HIRA: variants seen among roughly 807,000 people sequenced by gnomAD.
HIRA encodes the protein protein HIRA.
HIRA carries 13 observed loss-of-function variants against 126.6 expected under a neutral mutation model. The observed-to-expected ratio is 0.10, with a 90% CI of 0.07 to 0.16. HIRA has a LOEUF of 0.16. Ranked by LOEUF, HIRA falls within the 10% of genes least tolerant of loss-of-function variation. The pLI is 1.00. For synonymous variants in HIRA, 511 were observed against 520.0 expected, an observed-to-expected ratio of 0.98 and a Z score of 0.24; for missense variants, 834 against 1,314.4, an observed-to-expected ratio of 0.63 and a Z score of 5.65.
At chr22:19,381,051 G>A (rs1003349808) in intron 13 of HIRA, among the ~76,000 whole-genome samples, 5 of 152,222 alleles carry the variant, frequency 3.3e-5, no homozygotes, top group African/African-American at 1.2e-4. Context: ...CTAATCAATG[G>A]TATGAATTTC....
intron 11 of HIRA, among the ~76,000 whole-genome samples, chr22:19,386,334 C>T (rs868079358): frequency 2.0e-5 from 3 of 152,182 alleles, no homozygotes; most frequent in African/African-American, 7.2e-5. Flanking sequence ...ACAAGCTAGA[C>T]AGGAGCCTCA....
At chr22:19,420,462 CAA>C (rs760003741) in intron 1 of HIRA, among the ~76,000 whole-genome samples, 3 of 63,586 alleles carry the variant, frequency 4.7e-5, no homozygotes, top group Non-Finnish European at 9.7e-5. Flanking sequence ...AAAACTGTCT[CAA>C]AAAAAAAAAA....
chr22:19,394,531 G>C (rs1192111555), intron 7 of HIRA, 22 bp from the exon 8 acceptor site: 1 of 1,609,976 alleles, frequency 6.2e-7, no homozygotes, highest in Non-Finnish European at 8.5e-7. Context: ...ATCTGCACTT[G>C]AAAGGAGCTC....
chr22:19,408,823 T>C (rs1025744172), intron 2 of HIRA, among the ~76,000 whole-genome samples: 1 of 152,038 alleles, frequency 6.6e-6, no homozygotes, highest in African/African-American at 2.4e-5. Context: ...CAACCTGACT[T>C]TACAAAAAGA....
chr22:19,362,155 T>C (rs1326339284), intron 15 of HIRA, among the ~76,000 whole-genome samples: 1 of 152,158 alleles, frequency 6.6e-6, no homozygotes, highest in Non-Finnish European at 1.5e-5. Context: ...CAAGAAATGT[T>C]AAAAGTCTTT....
Position 19,353,510 on chromosome 22 carries a change from C to T in HIRA, c.2694G>A (p.Arg898=), listed in dbSNP as rs1556011557. The T allele has an allele frequency of 6.2e-7, 1 of 1,607,538 alleles. No individual in the cohort carries two copies. The change falls in exon 23 of 25, where the codon AGG becomes AGA. Residue 898 remains arginine, a synonymous_variant. Coordinates refer to ENST00000263208, the MANE Select transcript of HIRA (RefSeq NM_003325.4). The stretch of plus-strand genomic sequence containing the variant: ...GCACGGAGAAGAGCCGGGCAGCCTG[C>T]CTTCCCGAGCTGCAGAGACCAGGAG... The part of the protein sequence containing the change: ...IIQGRTSNSG[R]QAARLFSVPH...
chr22:19,387,863 G>C (rs1442506709), intron 10 of HIRA, 47 bp from the exon 11 acceptor site: 1 of 1,362,264 alleles, frequency 7.3e-7, no homozygotes, highest in Non-Finnish European at 1.0e-6. Context: ...GCCCCAGGCA[G>C]ACACATGTGC....
chr22:19,415,286 C>G (rs1187568638), intron 1 of HIRA, among the ~76,000 whole-genome samples: 1 of 152,106 alleles, frequency 6.6e-6, no homozygotes, highest in Non-Finnish European at 1.5e-5. Flanking sequence ...TATACACCAA[C>G]AATGAACAAT....
intron 18 of HIRA, 128 bp downstream of exon 18, chr22:19,359,208 C>T (rs1360051110): frequency 1.7e-5 from 17 of 988,586 alleles, no homozygotes; most frequent in Non-Finnish European, 2.4e-5. Context: ...TGGAGTGAAG[C>T]CTGGTGTGAG....
chr22:19,353,344 C>T lies in HIRA; in HGVS notation c.2848+12G>A, dbSNP rs781892071. On this transcript the variant is annotated intron_variant, in intron 23 of 24. Coordinates refer to ENST00000263208, the MANE Select transcript of HIRA (RefSeq NM_003325.4). Reference sequence around the variant, plus strand: ...GAAGGAGAAGGCTGCTCAGGGCTGCCAGGAGCCTCACCTTCGTTTACGAGG... The same window carrying T: ...GAAGGAGAAGGCTGCTCAGGGCTGCTAGGAGCCTCACCTTCGTTTACGAGG... 4 of 1,612,420 alleles carry T rather than the reference C, an allele frequency of 2.5e-6. No homozygotes were observed. In the Admixed American group the frequency reaches 5.0e-5, roughly 20 times the overall value.
At chr22:19,401,388 C>G (rs1370454033) in intron 5 of HIRA, among the ~76,000 whole-genome samples, 1 of 152,170 alleles carries the variant, frequency 6.6e-6, no homozygotes, top group Non-Finnish European at 1.5e-5. Context: ...CGCTTCTTTT[C>G]ACTGTCTTAA....
At chr22:19,419,191 ATCT>A (rs1398900780) in intron 1 of HIRA, among the ~76,000 whole-genome samples, 2 of 152,126 alleles carry the variant, frequency 1.3e-5, no homozygotes, top group Non-Finnish European at 2.9e-5. Flanking sequence ...CCTCACCCTG[ATCT>A]TCTCTATAAC....
intron 1 of HIRA, among the ~76,000 whole-genome samples, chr22:19,412,963 T>C (rs1178213401): frequency 1.3e-5 from 2 of 152,224 alleles, no homozygotes; most frequent in African/African-American, 4.8e-5. Context: ...AGCCTCGGGC[T>C]TCCTGCAGAA....
In HIRA at chr22:19,334,218, G is replaced by A. The variant is rs1168497020; in HGVS notation, c.2938-2662C>T. On this transcript the variant is annotated intron_variant, in intron 24 of 24. Coordinates refer to ENST00000263208, the MANE Select transcript of HIRA (RefSeq NM_003325.4). ...TCTCGATCTCCTGACCTTGTGATCC[G>A]CCCGCCTTGGCCTCCCAAAGTGCTG... Among the ~76,000 whole-genome samples, 25 of 151,262 alleles carry A rather than the reference G, an allele frequency of 1.7e-4. 1 individual carries two copies. The highest frequency in any genetic ancestry group is 2.1e-4 in the South Asian group (1 of 4,764).
intron 13 of HIRA, among the ~76,000 whole-genome samples, chr22:19,378,702 T>C (rs1487817572): frequency 2.0e-5 from 3 of 152,252 alleles, no homozygotes; most frequent in East Asian, 1.9e-4. Context: ...ACTAAAGCAG[T>C]TGGTGTAGGA....
chr22:19,388,407 C>A, intron 10 of HIRA, 77 bp downstream of exon 10: 1 of 1,163,234 alleles, frequency 8.6e-7, no homozygotes, highest in South Asian at 1.3e-5. Context: ...TGACCCTAGT[C>A]ACACCCAGAA....
At chr22:19,389,284 G>A (rs949465464) in intron 9 of HIRA, among the ~76,000 whole-genome samples, 2 of 151,830 alleles carry the variant, frequency 1.3e-5, no homozygotes, top group African/African-American at 2.4e-5. Flanking sequence ...ATTCTCTATC[G>A]AGTCACTCAA....
chr22:19,401,784 C>T (rs952183398), intron 5 of HIRA, among the ~76,000 whole-genome samples: 11 of 152,258 alleles, frequency 7.2e-5, no homozygotes, highest in African/African-American at 2.6e-4. Flanking sequence ...ATTGTCTCTC[C>T]CTTGTTTTTC....
At chr22:19,387,657 G>C in intron 11 of HIRA, 54 bp downstream of exon 11, 2 of 1,343,048 alleles carry the variant, frequency 1.5e-6, no homozygotes, top group Admixed American at 3.5e-5. Context: ...GTCTCTCAGA[G>C]CTATTGTGGC....
Sources: gnomAD v4.1 joint callset for allele counts (sites outside exome capture counted in the v4.1 genomes callset) on GRCh38, gnomAD v4.1.1 for gene constraint, MANE v1.5 for transcripts, NCBI Gene and HGNC (gene_info 2026-07-23, HGNC 2026-07-21) for gene names.